The following FHOD3 variants were observed in gnomAD, a reference collection of about 807,000 sequenced individuals.
FHOD3 encodes formin homology 2 domain containing 3.
In FHOD3, 90 loss-of-function variants were observed where a neutral mutation model predicts 173.0. The ratio of observed to expected loss-of-function variants is 0.52; its 90% CI spans 0.44 to 0.62. The LOEUF (loss-of-function observed/expected upper bound fraction) is 0.62. Ranked by LOEUF, FHOD3 falls within the 20% of genes least tolerant of loss-of-function variation. FHOD3 has a pLI of 0.00. For missense variants in FHOD3, 1,945 were observed against 2,034.7 expected (o/e 0.96, Z 0.85); for synonymous variants, 828 against 823.0 (o/e 1.01, Z -0.10).
intron 5 of FHOD3, among the ~76,000 whole-genome samples, chr18:36,520,108 C>T (rs575040160): frequency 3.3e-5 from 5 of 152,066 alleles, no homozygotes; most frequent in African/African-American, 1.2e-4. Flanking sequence ...TAGGCATGTA[C>T]CACCATGGCT....
intron 3 of FHOD3, among the ~76,000 whole-genome samples, chr18:36,497,322 G>A (rs893025045): frequency 2.6e-5 from 4 of 152,200 alleles, no homozygotes; most frequent in African/African-American, 9.6e-5. Context: ...GAAGGATGCT[G>A]TTTATCAAAG....
chr18:36,672,736 C>T (rs2037612935), intron 14 of FHOD3, among the ~76,000 whole-genome samples: 1 of 152,198 alleles, frequency 6.6e-6, no homozygotes, highest in Admixed American at 6.5e-5. Flanking sequence ...TTATAAGAAA[C>T]TGTGCGTCTG....
At chr18:36,439,244 A>C (rs1300721722) in intron 3 of FHOD3, among the ~76,000 whole-genome samples, 3 of 152,234 alleles carry the variant, frequency 2.0e-5, no homozygotes, top group African/African-American at 7.2e-5. Flanking sequence ...TTTCTTTCCC[A>C]AAAAATCTTA....
chr18:36,619,341 C>A (rs951856220), intron 9 of FHOD3, among the ~76,000 whole-genome samples: 1 of 152,130 alleles, frequency 6.6e-6, no homozygotes, highest in African/African-American at 2.4e-5. Flanking sequence ...ATGCAACCAG[C>A]CCCCAAATGA....
rs576251704 is a variant in FHOD3, at chr18:36,707,789, A to G, written c.2237-1306A>G. Among the ~76,000 whole-genome samples the G allele has an allele frequency of 1.4e-4, 21 of 152,062 alleles. No individual in the cohort carries two copies. The South Asian group carries it at 2.1e-3, about 15-fold the overall frequency. On this transcript the variant is annotated intron_variant, in intron 17 of 28. Transcript: ENST00000590592. ...GAGCTGCCCTGATCTGCGTGTTCTC[A>G]TGGAATCTGGGCAGGTCCCTTCCAG...
intron 4 of FHOD3, among the ~76,000 whole-genome samples, chr18:36,510,439 T>G (rs576213481): frequency 1.3e-5 from 2 of 152,332 alleles, no homozygotes; most frequent in African/African-American, 2.4e-5. Flanking sequence ...ATTTCAGTTC[T>G]GAATGATTTT....
intron 10 of FHOD3, among the ~76,000 whole-genome samples, chr18:36,641,947 G>A (rs1023326639): frequency 3.0e-5 from 4 of 132,712 alleles, no homozygotes; most frequent in African/African-American, 1.2e-4. Context: ...AGCGAAACTC[G>A]GTCTCAAAAA....
chr18:36,410,505 G>A (rs543767639), intron 3 of FHOD3, among the ~76,000 whole-genome samples: 1 of 152,318 alleles, frequency 6.6e-6, no homozygotes, highest in Non-Finnish European at 1.5e-5. Context: ...GCCTAGGCAT[G>A]TACCTAGAAT....
intron 2 of FHOD3, among the ~76,000 whole-genome samples, chr18:36,356,783 G>A (rs2046382546): frequency 6.6e-6 from 1 of 151,978 alleles, no homozygotes; most frequent in African/African-American, 2.4e-5. Flanking sequence ...CTACAGGCGT[G>A]TGCCACCACG....
chr18:36,722,775 G>A (rs1223475904), intron 19 of FHOD3, among the ~76,000 whole-genome samples: 1 of 152,066 alleles, frequency 6.6e-6, no homozygotes, highest in Non-Finnish European at 1.5e-5. Flanking sequence ...GTACAACCAA[G>A]GTTATGAGCC....
intron 27 of FHOD3, among the ~76,000 whole-genome samples, chr18:36,764,091 G>A (rs899788626): frequency 2.6e-5 from 4 of 152,136 alleles, no homozygotes; most frequent in African/African-American, 7.2e-5. Flanking sequence ...CATTCTGATT[G>A]TCTGGTTTGC....
chr18:36,554,848 G>A (rs148886678), intron 5 of FHOD3, among the ~76,000 whole-genome samples: 1,899 of 152,252 alleles, frequency 0.012, 23 homozygotes, highest in Admixed American at 0.022. Context: ...TTTCATCTAA[G>A]TAGTCAAATA....
At chr18:36,649,045 C>T (rs535776893) in intron 10 of FHOD3, among the ~76,000 whole-genome samples, 1 of 152,270 alleles carries the variant, frequency 6.6e-6, no homozygotes, top group African/African-American at 2.4e-5. Context: ...TGGCATCTAG[C>T]CAGCTTGACA....
chr18:36,441,050 G>A (rs2051115827), intron 3 of FHOD3, among the ~76,000 whole-genome samples: 1 of 152,172 alleles, frequency 6.6e-6, no homozygotes, highest in Non-Finnish European at 1.5e-5. Context: ...TTGCATGGTT[G>A]TGTGTGTAAG....
intron 3 of FHOD3, among the ~76,000 whole-genome samples, chr18:36,492,664 G>C (rs1165799064): frequency 6.6e-6 from 1 of 152,156 alleles, no homozygotes; most frequent in Non-Finnish European, 1.5e-5. Context: ...ATTTCAATAA[G>C]TTCTTCTTAA....
intron 20 of FHOD3, among the ~76,000 whole-genome samples, chr18:36,733,417 G>A (rs2041472653): frequency 6.6e-6 from 1 of 152,188 alleles, no homozygotes; most frequent in Non-Finnish European, 1.5e-5. Context: ...ACGGAGAGAG[G>A]CTACAAAGAT....
chr18:36,331,657 T>C (rs1291010536), intron 1 of FHOD3, among the ~76,000 whole-genome samples: 2 of 152,112 alleles, frequency 1.3e-5, no homozygotes, highest in Non-Finnish European at 2.9e-5. Context: ...TCAGTTCTTG[T>C]TGGAGAAGGT....
chr18:36,467,705 A>G (rs1324185559), intron 3 of FHOD3, among the ~76,000 whole-genome samples: 1 of 152,246 alleles, frequency 6.6e-6, no homozygotes, highest in African/African-American at 2.4e-5. Flanking sequence ...TTGAAGAGCA[A>G]GTGTGAAGTG....
At chr18:36,491,491 T>TG (rs1280557416) in intron 3 of FHOD3, among the ~76,000 whole-genome samples, 4 of 152,198 alleles carry the variant, frequency 2.6e-5, no homozygotes, top group African/African-American at 9.7e-5. Flanking sequence ...AAATGTATAA[T>TG]GGTACTATCC....
Sources: gnomAD v4.1 joint callset for allele counts (sites outside exome capture counted in the v4.1 genomes callset) on GRCh38, gnomAD v4.1.1 for gene constraint, MANE v1.5 for transcripts, NCBI Gene and HGNC (gene_info 2026-07-23, HGNC 2026-07-21) for gene names.